Variants in TTLL2 observed in about 807,000 individuals in gnomAD.
The protein encoded by TTLL2 is probable tubulin polyglutamylase TTLL2.
TTLL2 carries 10 observed loss-of-function variants against 7.5 expected under a neutral mutation model. That is an observed-to-expected ratio of 1.33 (90% CI 0.82 to 2.25). TTLL2 has a LOEUF of 2.25. TTLL2 is among the 30% of genes most tolerant of loss of function. The pLI, the probability that TTLL2 is intolerant of heterozygous loss-of-function variation, is 0.00. For synonymous variants in TTLL2, 284 were observed against 280.3 expected, an observed-to-expected ratio of 1.01 and a Z score of -0.13; for missense variants, 733 against 735.7, an observed-to-expected ratio of 1.00 and a Z score of 0.04.
At chr6:167,334,199 T>A (rs965889930) in intron 1 of TTLL2, among the ~76,000 whole-genome samples, 1 of 147,254 alleles carries the variant, frequency 6.8e-6, no homozygotes, top group African/African-American at 2.6e-5. Context: ...TTTCGTTATG[T>A]ACCCAGTAGT....
Position 167,325,211 on chromosome 6 carries a change from AGGCGCT to A in TTLL2, c.41_46del (p.Ala14_Leu15del). 1 of 1,574,120 alleles carries A rather than the reference AGGCGCT, an allele frequency of 6.4e-7. No homozygotes were observed. Among genetic ancestry groups the A allele is most frequent in the Non-Finnish European group, 8.6e-7 (1 of 1,160,510 alleles). On this transcript the variant is annotated inframe_deletion, in exon 1 of 3. Coordinates refer to ENST00000239587, the MANE Select transcript of TTLL2 (RefSeq NM_031949.5). Reference sequence around the variant, plus strand: ...GACCTGTGTTCCTCCACACAAAGCCAGGCGCTGGGGTAAGCGTAGGAGGCGACACGT... The same window carrying A: ...GACCTGTGTTCCTCCACACAAAGCCAGGGGTAAGCGTAGGAGGCGACACGT...
In TTLL2 at chr6:167,341,490, G is replaced by A. The variant is rs367727910; in HGVS notation, c.1590G>A (p.Ser530=). The change falls in exon 3 of 3, where the codon TCG becomes TCA. Residue 530 remains serine, a synonymous_variant. Coordinates refer to ENST00000239587, the MANE Select transcript of TTLL2 (RefSeq NM_031949.5). ...TGCCCTACGCGTCCCTCTTCCAGTC[G>A]CACTCCTGCAAGACCAAGACCTCCC... The part of the protein sequence containing the change: ...TLMPYASLFQ[S]HSCKTKTSPC... 1.1e-5 allele frequency: 17 copies of A among 1,613,932 alleles called. No homozygotes were observed. Among genetic ancestry groups the A allele is most frequent in the East Asian group, 4.5e-5 (2 of 44,876 alleles).
Position 167,340,827 on chromosome 6 carries a change from T to A in TTLL2, c.927T>A (p.Tyr309Ter). 2.5e-6 allele frequency: 4 copies of A among 1,614,132 alleles called. No individual in the cohort carries two copies. In the Middle Eastern group the frequency reaches 6.6e-4, roughly 266 times the overall value. ...GCATCAATAAATCCGGGGCCTCTTA[T>A]GAGAAGATCAAAGAAGTGATTGGTC... ...NSSINKSGAS[Y>*]EKIKEVIGHG... Residue 309 changes from tyrosine (Y) to a stop codon, truncating the protein, a stop_gained, in exon 3 of 3, where the codon TAT (tyrosine) becomes TAA (stop). Coordinates refer to ENST00000239587, the MANE Select transcript of TTLL2 (RefSeq NM_031949.5). LOFTEE classifies it low-confidence loss of function (END_TRUNC).
At chr6:167,338,196 C>T in intron 1 of TTLL2, among the ~76,000 whole-genome samples, 1 of 151,400 alleles carries the variant, frequency 6.6e-6, no homozygotes, top group Non-Finnish European at 1.5e-5. Flanking sequence ...CTCGTGCATA[C>T]CACATGCAAC....
rs952883499 is a variant in TTLL2 at position 167,340,433 on chromosome 6, T to C, written c.533T>C (p.Ile178Thr). Residue 178 changes from isoleucine to threonine, a missense_variant, in exon 3 of 3, where the codon ATC becomes ACC. Ile to Thr is a moderately conservative substitution (Grantham distance 89). Coordinates refer to ENST00000239587, the MANE Select transcript of TTLL2 (RefSeq NM_031949.5). ...TATGGCACTTCCCTGTACCAGTTCA[T>C]CCCCCTGACGTTCGTCATGCCCAAT... ...RMYGTSLYQF[I>T]PLTFVMPNDY... 1 of 1,614,116 alleles carries C rather than the reference T, an allele frequency of 6.2e-7. No individual in the cohort carries two copies. Among genetic ancestry groups the C allele is most frequent in the Non-Finnish European group, 8.5e-7 (1 of 1,180,024 alleles).
At chr6:167,336,403 C>A (rs1377787018) in intron 1 of TTLL2, among the ~76,000 whole-genome samples, 2 of 151,846 alleles carry the variant, frequency 1.3e-5, no homozygotes, top group African/African-American at 2.4e-5. Context: ...TAGCATATTA[C>A]ATAAGATGTT....
At position 167,341,139 on chromosome 6, in the gene TTLL2, C is replaced by T; in HGVS notation, c.1239C>T (p.Asp413=). The change falls in exon 3 of 3, where the codon GAC becomes GAT. Residue 413 remains aspartate (D), a synonymous_variant. Coordinates refer to ENST00000239587, the MANE Select transcript of TTLL2 (RefSeq NM_031949.5). ...GAAAACTTGTCCATGATATTATTGA[C>T]CTGATTTACTTAAATGGTCTAAGAA... ...VKRKLVHDII[D]LIYLNGLRNE... 6 of 1,613,834 alleles carry T rather than the reference C, an allele frequency of 3.7e-6. No homozygotes were observed. Among genetic ancestry groups the T allele is most frequent in the East Asian group, 2.2e-5 (1 of 44,866 alleles).
chr6:167,326,668 C>G (rs1159653453), intron 1 of TTLL2, among the ~76,000 whole-genome samples: 1 of 152,166 alleles, frequency 6.6e-6, no homozygotes, highest in Non-Finnish European at 1.5e-5. Context: ...CCCAGGAGAG[C>G]TTTGAATGTG....
chr6:167,328,270 CTGGGCAAATCAG>C (rs1296263518), intron 1 of TTLL2: 18 of 364,008 alleles, frequency 4.9e-5, no homozygotes, highest in Admixed American at 2.1e-4. Flanking sequence ...CCTCAGTCTT[CTGGGCAAATCAG>C]TGGGCCCTCA....
intron 2 of TTLL2, 95 bp downstream of exon 2, chr6:167,338,898 TCTTC>T: frequency 8.2e-7 from 1 of 1,219,248 alleles, no homozygotes; most frequent in Non-Finnish European, 1.1e-6. Flanking sequence ...CTCCCTCCCC[TCTTC>T]CTTCTTCTTT....
rs373926523 is a variant in TTLL2 at position 167,341,272 on chromosome 6, C to G, written c.1372C>G (p.Leu458Val). 1 of 1,613,472 alleles carries G rather than the reference C, an allele frequency of 6.2e-7. No individual in the cohort carries two copies. The highest frequency in any genetic ancestry group is 8.5e-7 in the Non-Finnish European group (1 of 1,179,970). The change falls in exon 3 of 3, where the codon CTT becomes GTT. Residue 458 changes from leucine (L) to valine (V), a missense_variant. Coordinates refer to ENST00000239587, the MANE Select transcript of TTLL2 (RefSeq NM_031949.5). ...DAPDCLPYDS[L>V]SFTSRMYNED... ...TCCTGACTGTCTTCCTTATGATTCT[C>G]TTTCGTTCACAAGCAGAATGTACAA...
rs143689423 is a variant in TTLL2 at position 167,338,662 on chromosome 6, C to T, written c.63C>T (p.Thr21=). The T allele has an allele frequency of 5.9e-4, 950 of 1,613,070 alleles. No homozygotes were observed. Among genetic ancestry groups the T allele is most frequent in the Non-Finnish European group, 7.3e-4 (864 of 1,179,436 alleles). Residue 21 remains threonine (T), a synonymous_variant, in exon 2 of 3, where the codon ACC becomes ACT. Coordinates refer to ENST00000239587, the MANE Select transcript of TTLL2 (RefSeq NM_031949.5). ...TTGTTCACAGATCTTTGAGAACCACCACCCCAGCCTTTACCCTTAACATTC... is the reference window on the plus strand; with the variant it reads ...TTGTTCACAGATCTTTGAGAACCACTACCCCAGCCTTTACCCTTAACATTC... ...QSQALGSLRT[T]TPAFTLNIPS...
intron 1 of TTLL2, among the ~76,000 whole-genome samples, chr6:167,337,678 T>C (rs1030835480): frequency 2.6e-5 from 4 of 151,206 alleles, no homozygotes; most frequent in Non-Finnish European, 5.9e-5. Context: ...GATAACAGCG[T>C]ATTTCTTGGT....
Position 167,340,266 on chromosome 6 carries a change from C to A in TTLL2, c.366C>A (p.Asn122Lys), listed in dbSNP as rs774202495. Residue 122 changes from asparagine (N) to lysine (K), a missense_variant, in exon 3 of 3, where the codon AAC (asparagine) becomes AAA (lysine). Coordinates refer to ENST00000239587, the MANE Select transcript of TTLL2 (RefSeq NM_031949.5). Reference protein sequence around the residue: ...DKQEQNAEDWNLYWRTSSFRM... With the variant: ...DKQEQNAEDWKLYWRTSSFRM... ...AGGAGCAGAACGCGGAGGACTGGAA[C>A]CTGTACTGGAGGACATCCTCTTTCC... 1.9e-6 allele frequency: 3 copies of A among 1,613,948 alleles called. No individual in the cohort carries two copies. Among genetic ancestry groups the A allele is most frequent in the Non-Finnish European group, 2.5e-6 (3 of 1,180,012 alleles).
intron 1 of TTLL2, among the ~76,000 whole-genome samples, chr6:167,334,298 G>A (rs1246936237): frequency 1.3e-5 from 2 of 148,536 alleles, no homozygotes; most frequent in African/African-American, 5.2e-5. Flanking sequence ...TTGCACTGTG[G>A]TCTGAGAGAT....
Position 167,341,146 on chromosome 6 carries a change from T to C in TTLL2, c.1246T>C (p.Tyr416His), listed in dbSNP as rs1178626233. 1 of 1,613,930 alleles carries C rather than the reference T, an allele frequency of 6.2e-7. No individual in the cohort carries two copies. Among genetic ancestry groups the C allele is most frequent in the Non-Finnish European group, 8.5e-7 (1 of 1,180,012 alleles). Residue 416 changes from tyrosine to histidine, a missense_variant, in exon 3 of 3, where the codon TAC (tyrosine) becomes CAC (histidine). Physicochemically the swap from Tyr to His is moderately conservative, Grantham distance 83. Coordinates refer to ENST00000239587, the MANE Select transcript of TTLL2 (RefSeq NM_031949.5). ...TGTCCATGATATTATTGACCTGATTTACTTAAATGGTCTAAGAAATGAGGG... is the reference window on the plus strand; with the variant it reads ...TGTCCATGATATTATTGACCTGATTCACTTAAATGGTCTAAGAAATGAGGG... ...KLVHDIIDLI[Y>H]LNGLRNEGRE...
chr6:167,336,478 T>A (rs1384743634), intron 1 of TTLL2, among the ~76,000 whole-genome samples: 5 of 152,128 alleles, frequency 3.3e-5, no homozygotes, highest in African/African-American at 1.2e-4. Flanking sequence ...ATTAAGCATA[T>A]AAATATATAA....
At chr6:167,332,392 C>A (rs978000314) in intron 1 of TTLL2, among the ~76,000 whole-genome samples, 1 of 152,118 alleles carries the variant, frequency 6.6e-6, no homozygotes, top group African/African-American at 2.4e-5. Flanking sequence ...ATGAAGGAAC[C>A]TTTAGACCCA....
Position 167,338,665 on chromosome 6 carries a change from C to T in TTLL2, c.66C>T (p.Thr22=), listed in dbSNP as rs1035256580. Residue 22 remains threonine, a synonymous_variant, in exon 2 of 3, where the codon ACC becomes ACT. Coordinates refer to ENST00000239587, the MANE Select transcript of TTLL2 (RefSeq NM_031949.5). ...SQALGSLRTT[T]PAFTLNIPSE... is the part of the protein sequence containing the mutation. Reference sequence around the variant, plus strand: ...TTCACAGATCTTTGAGAACCACCACCCCAGCCTTTACCCTTAACATTCCAT... The same window carrying T: ...TTCACAGATCTTTGAGAACCACCACTCCAGCCTTTACCCTTAACATTCCAT... 7 of 1,613,628 alleles carry T rather than the reference C, an allele frequency of 4.3e-6. No individual in the cohort carries two copies. In the African/African-American group the frequency reaches 9.3e-5, roughly 22 times the overall value.
Sources: gnomAD v4.1 joint callset for allele counts (sites outside exome capture counted in the v4.1 genomes callset) on GRCh38, gnomAD v4.1.1 for gene constraint, MANE v1.5 for transcripts, NCBI Gene and HGNC (gene_info 2026-07-23, HGNC 2026-07-21) for gene names.